The following GPC5 variants were observed in gnomAD, a reference collection of about 807,000 sequenced individuals.
GPC5 encodes the protein glypican-5.
In GPC5, 47 loss-of-function variants were observed where a neutral mutation model predicts 53.9. The ratio of observed to expected loss-of-function variants is 0.87; its 90% CI spans 0.69 to 1.11. The LOEUF is 1.11. GPC5 is among the 50% of genes most tolerant of loss of function. The pLI is 0.00. For synonymous variants in GPC5, 286 were observed against 263.3 expected (o/e 1.09, Z -0.84); for missense variants, 748 against 713.1 (o/e 1.05, Z -0.56).
chr13:92,323,243 A>C (rs561603598), intron 7 of GPC5, among the ~76,000 whole-genome samples: 1 of 151,042 alleles, frequency 6.6e-6, no homozygotes, highest in African/African-American at 2.4e-5. Flanking sequence ...ATATATATAC[A>C]AAAATATATG....
chr13:91,971,640 T>C (rs1363874871), intron 6 of GPC5, among the ~76,000 whole-genome samples: 2 of 152,090 alleles, frequency 1.3e-5, no homozygotes, highest in African/African-American at 4.8e-5. Flanking sequence ...GCTTTGAATG[T>C]GTCCCAGAGA....
At chr13:92,577,606 T>C (rs1883231308) in intron 7 of GPC5, among the ~76,000 whole-genome samples, 2 of 152,202 alleles carry the variant, frequency 1.3e-5, no homozygotes, top group South Asian at 4.1e-4. Context: ...TAAAGCTTCA[T>C]ATTTCAGATC....
At chr13:92,505,723 T>A (rs1194600030) in intron 7 of GPC5, among the ~76,000 whole-genome samples, 1 of 152,096 alleles carries the variant, frequency 6.6e-6, no homozygotes, top group Non-Finnish European at 1.5e-5. Context: ...TTTCAATGGT[T>A]GAATGGATAA....
chr13:91,642,909 C>T (rs1267406824), intron 2 of GPC5, among the ~76,000 whole-genome samples: 1 of 151,962 alleles, frequency 6.6e-6, no homozygotes, highest in East Asian at 1.9e-4. Flanking sequence ...ATTCTCAATT[C>T]TTAATTTTCC....
At chr13:92,572,876 A>C (rs2139042973) in intron 7 of GPC5, among the ~76,000 whole-genome samples, 1 of 152,316 alleles carries the variant, frequency 6.6e-6, no homozygotes, top group South Asian at 2.1e-4. Flanking sequence ...CCAAAACAAA[A>C]AACAAAATGG....
intron 6 of GPC5, among the ~76,000 whole-genome samples, chr13:92,074,105 G>A (rs1364327376): frequency 6.6e-6 from 1 of 152,180 alleles, no homozygotes; most frequent in Non-Finnish European, 1.5e-5. Flanking sequence ...GCCCAAGGCT[G>A]AAACATCGTG....
rs71202563 is a variant in GPC5 at position 92,851,887 on chromosome 13, C to CAA, written c.1562-14375_1562-14374dup. Among the ~76,000 whole-genome samples, 345 of 58,860 alleles carry CAA rather than the reference C, an allele frequency of 5.9e-3. 5 individuals are homozygous for CAA. The highest frequency in any genetic ancestry group is 9.1e-3 in the Non-Finnish European group (267 of 29,202). 38.6% of individuals were successfully genotyped at this position (58,860 alleles called of 152,430 possible). On this transcript the variant is annotated intron_variant, in intron 7 of 7. Transcript: ENST00000377067. ...TGAGTGACAGAGCAAGACTCCGTCTCAAAAAAAAAAAAAAAAAAAAAGAAT... is the reference window on the plus strand; with the variant it reads ...TGAGTGACAGAGCAAGACTCCGTCTCAAAAAAAAAAAAAAAAAAAAAAAGAAT...
intron 7 of GPC5, among the ~76,000 whole-genome samples, chr13:92,158,505 C>A (rs1231431869): frequency 1.3e-5 from 2 of 151,330 alleles, no homozygotes; most frequent in Non-Finnish European, 2.9e-5. Context: ...TTCAGTTGTT[C>A]CTTTTTTTTT....
At chr13:92,715,350 C>T (rs1406475362) in intron 7 of GPC5, among the ~76,000 whole-genome samples, 1 of 152,164 alleles carries the variant, frequency 6.6e-6, no homozygotes, top group Non-Finnish European at 1.5e-5. Context: ...ACTAATTCCA[C>T]AAGTCTATTT....
chr13:92,044,363 A>G (rs978395969), intron 6 of GPC5, among the ~76,000 whole-genome samples: 4 of 152,204 alleles, frequency 2.6e-5, no homozygotes, highest in African/African-American at 9.6e-5. Context: ...ACAGCCCTGT[A>G]CTGAGCAGAA....
intron 6 of GPC5, among the ~76,000 whole-genome samples, chr13:92,125,486 T>C (rs920360556): frequency 2.0e-5 from 3 of 152,046 alleles, no homozygotes; most frequent in Non-Finnish European, 2.9e-5. Context: ...ACGTGAATGA[T>C]GTAAAAGATA....
intron 7 of GPC5, among the ~76,000 whole-genome samples, chr13:92,636,433 C>T (rs1173775564): frequency 6.6e-6 from 1 of 152,110 alleles, no homozygotes; most frequent in East Asian, 1.9e-4. Context: ...CTTGGCCCTT[C>T]TTGTCAAGTT....
chr13:92,566,348 G>T (rs1420134317), intron 7 of GPC5, among the ~76,000 whole-genome samples: 1 of 152,028 alleles, frequency 6.6e-6, no homozygotes, highest in Non-Finnish European at 1.5e-5. Flanking sequence ...TGATTTAAGA[G>T]AATATTGTTT....
At chr13:92,257,664 C>A (rs1440491546) in intron 7 of GPC5, among the ~76,000 whole-genome samples, 1 of 149,618 alleles carries the variant, frequency 6.7e-6, no homozygotes, top group South Asian at 2.1e-4. Flanking sequence ...AATTCTCCTG[C>A]CTTAGCCTCC....
chr13:92,738,951 G>T (rs1450670658), intron 7 of GPC5, among the ~76,000 whole-genome samples: 1 of 152,044 alleles, frequency 6.6e-6, no homozygotes, highest in Non-Finnish European at 1.5e-5. Flanking sequence ...TGTGACATCT[G>T]TTAAAAGTCA....
At chr13:91,471,035 AC>A (rs1882587809) in intron 2 of GPC5, among the ~76,000 whole-genome samples, 1 of 151,744 alleles carries the variant, frequency 6.6e-6, no homozygotes, top group South Asian at 2.1e-4. Flanking sequence ...AAAACAAACA[AC>A]CCCCCAAACA....
intron 7 of GPC5, among the ~76,000 whole-genome samples, chr13:92,388,940 T>A (rs538111823): frequency 2.2e-4 from 33 of 152,226 alleles, no homozygotes; most frequent in Non-Finnish European, 4.4e-4. Context: ...TTTGTCTTGA[T>A]CAACCAGAGT....
intron 7 of GPC5, among the ~76,000 whole-genome samples, chr13:92,222,237 A>C (rs184461529): frequency 6.6e-6 from 1 of 152,264 alleles, no homozygotes; most frequent in African/African-American, 2.4e-5. Context: ...TCGTCACTGA[A>C]CCCACCAGGT....
chr13:92,119,853 TTC>T (rs1215692442), intron 6 of GPC5, among the ~76,000 whole-genome samples: 2 of 152,098 alleles, frequency 1.3e-5, no homozygotes, highest in African/African-American at 4.8e-5. Flanking sequence ...ATTAAGTGTA[TTC>T]TCTCTGCACA....
Sources: gnomAD v4.1 joint callset for allele counts (sites outside exome capture counted in the v4.1 genomes callset) on GRCh38, gnomAD v4.1.1 for gene constraint, MANE v1.5 for transcripts, NCBI Gene and HGNC (gene_info 2026-07-23, HGNC 2026-07-21) for gene names.